The following HMGN5 variants were observed in gnomAD, a reference collection of about 807,000 sequenced individuals.
HMGN5 encodes high mobility group nucleosome-binding domain-containing protein 5.
In HMGN5, 4 loss-of-function variants were observed where a neutral mutation model predicts 9.5. The observed-to-expected ratio is 0.42, with a 90% CI of 0.21 to 0.96. HMGN5 has a LOEUF of 0.96. Ranked by LOEUF, HMGN5 falls within the 40% of genes least tolerant of loss-of-function variation. The pLI, the probability that HMGN5 is intolerant of heterozygous loss-of-function variation, is 0.30. For synonymous variants in HMGN5, 55 were observed against 57.1 expected, an observed-to-expected ratio of 0.96 and a Z score of 0.16; for missense variants, 192 against 187.5, an observed-to-expected ratio of 1.02 and a Z score of -0.14.
intron 1 of HMGN5, among the ~76,000 whole-genome samples, chrX:81,130,967 T>C (rs2075296444): frequency 9.0e-6 from 1 of 111,076 alleles, no homozygotes; most frequent in South Asian, 3.8e-4. Context: ...TGTCTGAAAG[T>C]TGGGTCAGGG....
In HMGN5 at chrX:81,114,732, A is replaced by T. The variant is rs1403255434; in HGVS notation, c.766T>A (p.Leu256Ile). The part of the protein sequence containing the change: ...EEEAGKEKED[L>I]KEEEEGKEED... ...TCTTTTCCTTCTTCCTCTTCTTTTA[A>T]ATCTTCTTTCTCTTTTCCAGCTTCT... is the stretch of plus-strand genomic sequence containing the variant. Residue 256 changes from leucine to isoleucine, a missense_variant, in exon 7 of 7, where the codon TTA becomes ATA. Transcript: ENST00000358130. 8.6e-7 allele frequency: 1 copy of T among 1,158,769 alleles called. No homozygotes were observed. Among genetic ancestry groups the T allele is most frequent in the Admixed American group, 2.6e-5 (1 of 37,804 alleles).
chrX:81,135,012 A>G (rs1041214000), intron 1 of HMGN5, among the ~76,000 whole-genome samples: 3 of 111,925 alleles, frequency 2.7e-5, no homozygotes, highest in Non-Finnish European at 5.7e-5. Flanking sequence ...AGTGAAAACA[A>G]TAAAACTCTT....
chrX:81,122,520 C>A (rs1237354560), intron 1 of HMGN5, among the ~76,000 whole-genome samples: 1 of 111,900 alleles, frequency 8.9e-6, no homozygotes, highest in African/African-American at 3.3e-5. Context: ...GTGACAAAAA[C>A]CCAGGAGACT....
chrX:81,131,069 C>T (rs1459613733), intron 1 of HMGN5, among the ~76,000 whole-genome samples: 1 of 111,264 alleles, frequency 9.0e-6, no homozygotes, highest in African/African-American at 3.3e-5. Flanking sequence ...TTTTACCCAT[C>T]CTCAAAAAGT....
intron 1 of HMGN5, among the ~76,000 whole-genome samples, chrX:81,143,710 G>A (rs946030478): frequency 1.8e-5 from 2 of 112,521 alleles, no homozygotes; most frequent in Non-Finnish European, 3.8e-5. Context: ...GCCTGGCTTG[G>A]TGGGTCCCAC....
At chrX:81,179,519 A>G (rs2075454156) in intron 1 of HMGN5, among the ~76,000 whole-genome samples, 1 of 111,663 alleles carries the variant, frequency 9.0e-6, no homozygotes, top group Non-Finnish European at 1.9e-5. Flanking sequence ...CTCTTCAAGG[A>G]GAACTACAAA....
chrX:81,138,735 C>T (rs1372594668), intron 1 of HMGN5, among the ~76,000 whole-genome samples: 1 of 111,020 alleles, frequency 9.0e-6, no homozygotes. Flanking sequence ...CATAGAAAAT[C>T]CATTGAAGTC....
At position 81,118,744 on chromosome X, in the gene HMGN5, C is replaced by T. The variant is rs746660584; in HGVS notation, c.61G>A (p.Ala21Thr). The T allele has an allele frequency of 8.4e-7, 1 of 1,190,164 alleles. No homozygotes were observed. Among genetic ancestry groups the T allele is most frequent in the African/African-American group, 1.7e-5 (1 of 57,317 alleles). Residue 21 changes from alanine (A) to threonine (T), a missense_variant, in exon 4 of 7, where the codon GCC (alanine) becomes ACC (threonine). By Grantham distance (58) the Ala-to-Thr change is moderately conservative (BLOSUM62 0). Coordinates refer to ENST00000358130, the MANE Select transcript of HMGN5 (RefSeq NM_030763.3). The stretch of plus-strand genomic sequence containing the variant: ...AGATTACTTACAGCAGACAACCTGG[C>T]AGATCTTCTCTTTGGCTATAAGTTA... ...DMRQEPKRRS[A>T]RLSAMLVPVT...
intron 1 of HMGN5, among the ~76,000 whole-genome samples, chrX:81,139,055 C>T (rs1031131860): frequency 8.9e-6 from 1 of 111,848 alleles, no homozygotes; most frequent in Non-Finnish European, 1.9e-5. Flanking sequence ...CTGAATTGGT[C>T]TATAGATTTA....
chrX:81,151,474 A>G (rs1346623031), intron 1 of HMGN5, among the ~76,000 whole-genome samples: 2 of 109,949 alleles, frequency 1.8e-5, no homozygotes, highest in Non-Finnish European at 3.8e-5. Flanking sequence ...GTTTTTTCCA[A>G]TTCTGTGAAG....
chrX:81,163,036 G>A (rs1235571109), intron 1 of HMGN5, among the ~76,000 whole-genome samples: 1 of 111,527 alleles, frequency 9.0e-6, no homozygotes, highest in African/African-American at 3.3e-5. Flanking sequence ...TACAAGTAAT[G>A]TTTTGTGACT....
chrX:81,170,227 A>G (rs186287673), intron 1 of HMGN5, among the ~76,000 whole-genome samples: 48 of 110,466 alleles, frequency 4.3e-4, no homozygotes, highest in South Asian at 7.7e-4. Flanking sequence ...GTAGCCAAGA[A>G]GACTGGTTCT....
At chrX:81,171,191 T>C (rs1317355591) in intron 1 of HMGN5, among the ~76,000 whole-genome samples, 1 of 111,628 alleles carries the variant, frequency 9.0e-6, no homozygotes, top group Non-Finnish European at 1.9e-5. Context: ...CAAAAAACAC[T>C]TTGGAGATCT....
intron 1 of HMGN5, among the ~76,000 whole-genome samples, chrX:81,177,072 C>A (rs952596935): frequency 9.1e-6 from 1 of 109,839 alleles, no homozygotes; most frequent in Non-Finnish European, 1.9e-5. Flanking sequence ...AAGGGAAGCC[C>A]ATCAGACTAA....
rs1042369955 is a variant in HMGN5 at position 81,118,485 on chromosome X, T to A, written c.76A>T (p.Met26Leu). Reference sequence around the variant, plus strand: ...ACCTCTGGTGTAACTGGCACAAGCATCTGCTTCAAGTTGTGGGAAAAGAAA... The same window carrying A: ...ACCTCTGGTGTAACTGGCACAAGCAACTGCTTCAAGTTGTGGGAAAAGAAA... ...PKRRSARLSA[M>L]LVPVTPEVKP... is the part of the protein sequence containing the mutation. The change falls in exon 5 of 7, where the codon ATG becomes TTG. Residue 26 changes from methionine to leucine, a missense_variant and splice_region_variant. Physicochemically the swap from Met to Leu is conservative, Grantham distance 15 (BLOSUM62 2). Coordinates refer to ENST00000358130, the MANE Select transcript of HMGN5 (RefSeq NM_030763.3). 1 of 1,175,722 alleles carries A rather than the reference T, an allele frequency of 8.5e-7. No individual in the cohort carries two copies. The highest frequency in any genetic ancestry group is 1.1e-6 in the Non-Finnish European group (1 of 870,806).
chrX:81,163,907 T>A (rs1368296066), intron 1 of HMGN5, among the ~76,000 whole-genome samples: 1 of 111,525 alleles, frequency 9.0e-6, no homozygotes, highest in African/African-American at 3.3e-5. Context: ...TGTATAGGCC[T>A]TCAATTCTAG....
intron 1 of HMGN5, among the ~76,000 whole-genome samples, chrX:81,184,075 G>C (rs1277987587): frequency 9.0e-6 from 1 of 110,886 alleles, no homozygotes; most frequent in Admixed American, 9.7e-5. Flanking sequence ...TTTTGGGAGG[G>C]GCCGGGGTGG....
intron 1 of HMGN5, among the ~76,000 whole-genome samples, chrX:81,145,692 A>G (rs2075341630): frequency 8.9e-6 from 1 of 111,991 alleles, no homozygotes; most frequent in Non-Finnish European, 1.9e-5. Context: ...GGCAAATTAA[A>G]AGACACAGGC....
intron 1 of HMGN5, among the ~76,000 whole-genome samples, chrX:81,174,603 T>C (rs930696661): frequency 6.3e-5 from 7 of 111,552 alleles, no homozygotes; most frequent in Admixed American, 3.8e-4. Flanking sequence ...ATTGCTTCTC[T>C]CTTTACTAGT....
Sources: allele counts gnomAD v4.1 joint callset (sites outside exome capture counted in the v4.1 genomes callset), GRCh38; gene constraint gnomAD v4.1.1; transcripts MANE v1.5; gene names NCBI Gene and HGNC (gene_info 2026-07-23, HGNC 2026-07-21).